The following ADAMTS2 variants were observed in gnomAD, a reference collection of about 807,000 sequenced individuals.
ADAMTS2 encodes ADAM metallopeptidase with thrombospondin type 1 motif 2, also known as A disintegrin and metalloproteinase with thrombospondin motifs 2.
A neutral mutation model predicts 123.0 loss-of-function variants in ADAMTS2; 50 were observed. The ratio of observed to expected loss-of-function variants is 0.41; its 90% CI spans 0.32 to 0.51. The LOEUF (loss-of-function observed/expected upper bound fraction) is 0.51. Ranked by LOEUF, ADAMTS2 falls within the 20% of genes least tolerant of loss-of-function variation. The pLI, the probability that ADAMTS2 is intolerant of heterozygous loss-of-function variation, is 0.35. For missense variants in ADAMTS2, 1,494 were observed against 1,705.2 expected (o/e 0.88, Z 2.18); for synonymous variants, 678 against 695.4 (o/e 0.98, Z 0.39).
chr5:179,143,204 G>C (rs901084953), intron 10 of ADAMTS2, among the ~76,000 whole-genome samples: 14 of 152,194 alleles, frequency 9.2e-5, no homozygotes, highest in Non-Finnish European at 1.6e-4. Context: ...GAGGCCGAGG[G>C]GGGCAGATCA....
intron 4 of ADAMTS2, among the ~76,000 whole-genome samples, chr5:179,187,576 C>T (rs1375221572): frequency 6.6e-6 from 1 of 152,100 alleles, no homozygotes; most frequent in Non-Finnish European, 1.5e-5. Context: ...GGGGAGGCCC[C>T]CAGCTAAGGG....
chr5:179,314,870 C>T lies in ADAMTS2; in HGVS notation c.534+28897G>A, dbSNP rs1439112178. Reference sequence around the variant, plus strand: ...GAGCTGCAAGGGACATAGGAATGTCCCTTAGCATGGCCCGGGAGCCTCAAG... The same window carrying T: ...GAGCTGCAAGGGACATAGGAATGTCTCTTAGCATGGCCCGGGAGCCTCAAG... On this transcript the variant is annotated intron_variant, in intron 2 of 21. Coordinates refer to ENST00000251582, the MANE Select transcript of ADAMTS2 (RefSeq NM_014244.5). The surrounding 1 kb of genome is among the most constrained non-coding windows in gnomAD (Gnocchi z 4.5). Among the ~76,000 whole-genome samples, 1 of 152,118 alleles carries T rather than the reference C, an allele frequency of 6.6e-6. No homozygotes were observed. The highest frequency in any genetic ancestry group is 1.5e-5 in the Non-Finnish European group (1 of 68,006).
At chr5:179,291,903 AT>A (rs201541969) in intron 2 of ADAMTS2, among the ~76,000 whole-genome samples, 3,676 of 142,970 alleles carry the variant, frequency 0.026, 134 homozygotes, top group African/African-American at 0.072. Flanking sequence ...CAGCTAGCTA[AT>A]TTAAAAAAAA....
intron 3 of ADAMTS2, among the ~76,000 whole-genome samples, chr5:179,239,948 G>A (rs1765623663): frequency 1.3e-5 from 2 of 152,176 alleles, no homozygotes; most frequent in South Asian, 4.1e-4. Flanking sequence ...ATGACCTCGG[G>A]GAGGGTGCCT....
At position 179,234,821 on chromosome 5, in the gene ADAMTS2, C is replaced by T. The variant is rs116740331; in HGVS notation, c.689-27106G>A. 0.016 allele frequency among the ~76,000 whole-genome samples: 2,426 copies of T among 152,282 alleles called. 69 individuals are homozygous for T. Among genetic ancestry groups the T allele is most frequent in the African/African-American group, 0.056 (2,309 of 41,558 alleles). ...CCGCTGCTGCTCCCTGCCCTTCACT[C>T]CCTGTAGCTCGAGTCCTCACCTGAG... On this transcript the variant is annotated intron_variant, in intron 3 of 21. Coordinates refer to ENST00000251582, the MANE Select transcript of ADAMTS2 (RefSeq NM_014244.5). This position sits in a 1 kb window ranked among gnomAD's most constrained non-coding sequence, Gnocchi z 4.7.
At chr5:179,139,343 G>A (rs1006726614) in intron 11 of ADAMTS2, among the ~76,000 whole-genome samples, 7 of 152,072 alleles carry the variant, frequency 4.6e-5, no homozygotes, top group Non-Finnish European at 1.0e-4. Context: ...GGGGTGAGGT[G>A]GGAGGAATGA....
At chr5:179,284,822 C>T (rs1300375534) in intron 2 of ADAMTS2, among the ~76,000 whole-genome samples, 1 of 152,112 alleles carries the variant, frequency 6.6e-6, no homozygotes, top group African/African-American at 2.4e-5. Flanking sequence ...TATTGGTGAC[C>T]GAAGAAGGCG....
chr5:179,183,205 C>G (rs992103900), intron 4 of ADAMTS2, among the ~76,000 whole-genome samples: 3 of 152,220 alleles, frequency 2.0e-5, no homozygotes, highest in Admixed American at 6.5e-5. Context: ...CACGCTGGCA[C>G]AGTAGCCTTA....
At chr5:179,287,049 G>C (rs1581247613) in intron 2 of ADAMTS2, among the ~76,000 whole-genome samples, 1 of 152,194 alleles carries the variant, frequency 6.6e-6, no homozygotes, top group South Asian at 2.1e-4. Flanking sequence ...GGGATCTAGG[G>C]AGGGCGTCAC....
At chr5:179,306,889 G>A (rs1470528433) in intron 2 of ADAMTS2, among the ~76,000 whole-genome samples, 1 of 152,182 alleles carries the variant, frequency 6.6e-6, no homozygotes, top group Non-Finnish European at 1.5e-5. Context: ...CACAGGCTCT[G>A]AGGACATGGC....
chr5:179,126,262 AG>A (rs1762856577), intron 17 of ADAMTS2, 132 bp from the exon 18 acceptor site: 2 of 1,340,710 alleles, frequency 1.5e-6, no homozygotes, highest in Non-Finnish European at 2.1e-6. Flanking sequence ...AAGGGTGGGC[AG>A]GGCACCGAGC....
In ADAMTS2 at chr5:179,307,895, A is replaced by G. The variant is rs927850783; in HGVS notation, c.535-34831T>C. On this transcript the variant is annotated intron_variant, in intron 2 of 21. Transcript: ENST00000251582. The surrounding 1 kb of genome is among the most constrained non-coding windows in gnomAD (Gnocchi z 5.6). ...TTTTTTGTAACACCATTTCCCAATC[A>G]TCGACACGTGGGTTCTTTATTGGGT... is the stretch of plus-strand genomic sequence containing the variant. 2.0e-5 allele frequency among the ~76,000 whole-genome samples: 3 copies of G among 152,130 alleles called. No individual in the cohort carries two copies. The highest frequency in any genetic ancestry group is 4.8e-5 in the African/African-American group (2 of 41,420).
chr5:179,319,275 C>G (rs1370446315), intron 2 of ADAMTS2, among the ~76,000 whole-genome samples: 1 of 152,204 alleles, frequency 6.6e-6, no homozygotes, highest in Admixed American at 6.5e-5. Flanking sequence ...GCACTACACA[C>G]AAGTACACAC....
chr5:179,293,504 C>T (rs535727521), intron 2 of ADAMTS2, among the ~76,000 whole-genome samples: 18 of 152,368 alleles, frequency 1.2e-4, no homozygotes, highest in African/African-American at 4.3e-4. Context: ...GGGCCACAGC[C>T]CAGGACAAGC....
At position 179,237,091 on chromosome 5, in the gene ADAMTS2, C is replaced by T. The variant is rs1418346377; in HGVS notation, c.689-29376G>A. 2.6e-5 allele frequency among the ~76,000 whole-genome samples: 4 copies of T among 151,934 alleles called. No individual in the cohort carries two copies. In the East Asian group the frequency reaches 5.8e-4, roughly 22 times the overall value. ...TTAACACAGCAAGCCCTCATCACTA[C>T]AAAAACTAAAAATAAAAAAAAATAT... is the stretch of plus-strand genomic sequence containing the variant. On this transcript the variant is annotated intron_variant, in intron 3 of 21. Coordinates refer to ENST00000251582, the MANE Select transcript of ADAMTS2 (RefSeq NM_014244.5).
At chr5:179,340,306 C>A (rs1307661700) in intron 2 of ADAMTS2, among the ~76,000 whole-genome samples, 1 of 152,204 alleles carries the variant, frequency 6.6e-6, no homozygotes, top group South Asian at 2.1e-4. Context: ...GGCAGGGTTG[C>A]TTCCATCCCA....
At chr5:179,301,877 G>A (rs962250679) in intron 2 of ADAMTS2, among the ~76,000 whole-genome samples, 4 of 152,224 alleles carry the variant, frequency 2.6e-5, no homozygotes, top group African/African-American at 4.8e-5. Context: ...CAGGGCGTGC[G>A]GGATGCCCCG....
In ADAMTS2 at chr5:179,339,483, G is replaced by C. The variant is rs573652051; in HGVS notation, c.534+4284C>G. 1.4e-3 allele frequency among the ~76,000 whole-genome samples: 216 copies of C among 152,308 alleles called. 1 individual carries two copies. Among genetic ancestry groups the C allele is most frequent in the Admixed American group, 1.0e-3 (16 of 15,300 alleles). On this transcript the variant is annotated intron_variant, in intron 2 of 21. Transcript: ENST00000251582. The stretch of plus-strand genomic sequence containing the variant: ...ACCCCCAGATAATTGGGGCCATGCT[G>C]TCCCTTGTTTGTTTCATCCAATATG...
Position 179,113,895 on chromosome 5 carries a change from C to T in ADAMTS2, c.3608G>A (p.Arg1203Gln), listed in dbSNP as rs772059202. ...GAACTTTCCGAGCATCTCTTTCTTC[C>T]GCATCTCATCAATGAGCTCTTGGAT... ...QRIQELIDEM[R>Q]KKEMLGKF Residue 1203 changes from arginine to glutamine, a missense_variant, in exon 22 of 22, where the codon CGG (arginine) becomes CAG (glutamine). Physicochemically the swap from Arg to Gln is conservative, Grantham distance 43. This residue lies in a region of ADAMTS2 where 953 missense variants were observed against 1,124.7 expected (regional missense o/e 0.85). Coordinates refer to ENST00000251582, the MANE Select transcript of ADAMTS2 (RefSeq NM_014244.5). 20 of 1,613,998 alleles carry T rather than the reference C, an allele frequency of 1.2e-5. No individual in the cohort carries two copies. The highest frequency in any genetic ancestry group is 1.6e-4 in the Middle Eastern group (1 of 6,084).
Sources: allele counts gnomAD v4.1 joint callset (sites outside exome capture counted in the v4.1 genomes callset), GRCh38; gene constraint gnomAD v4.1.1; regional missense constraint gnomAD v4.1.1; non-coding constraint Gnocchi (gnomAD v3.1); transcripts MANE v1.5; gene names NCBI Gene and HGNC (gene_info 2026-07-23, HGNC 2026-07-21).